Variants in SNTG1 observed in about 807,000 individuals in gnomAD.
The protein encoded by SNTG1 is syntrophin gamma 1, also known as gamma-1-syntrophin.
SNTG1 carries 39 observed loss-of-function variants against 74.7 expected under a neutral mutation model. The observed-to-expected ratio is 0.52, with a 90% CI of 0.40 to 0.68. The LOEUF (loss-of-function observed/expected upper bound fraction) is 0.68, where lower values mean the gene tolerates loss of function less well. SNTG1 is among the 30% of genes least tolerant of loss of function. The pLI is 0.00. For missense variants in SNTG1, 685 were observed against 609.5 expected, an observed-to-expected ratio of 1.12 and a Z score of -1.30; for synonymous variants, 254 against 217.1, an observed-to-expected ratio of 1.17 and a Z score of -1.49.
chr8:50,442,335 A>G (rs1007396524), intron 5 of SNTG1, among the ~76,000 whole-genome samples: 2 of 152,056 alleles, frequency 1.3e-5, no homozygotes, highest in Non-Finnish European at 2.9e-5. Flanking sequence ...CATGACACAC[A>G]TTTGCACCGG....
chr8:50,450,730 G>C lies in SNTG1; in HGVS notation c.363+1G>C. On this transcript the variant is annotated splice_donor_variant, in intron 8 of 18. Coordinates refer to ENST00000642720, the MANE Select transcript of SNTG1 (RefSeq NM_018967.5). LOFTEE classifies it high-confidence loss of function. ...GAGAAAATGTAGACATGAAGAAGTG[G>C]TGAGTTTACTTTTTCCTAATGTCAT... is the stretch of plus-strand genomic sequence containing the variant. 1 of 1,612,528 alleles carries C rather than the reference G, an allele frequency of 6.2e-7. No individual in the cohort carries two copies.
At chr8:50,081,280 C>CCAA (rs200201224) in intron 1 of SNTG1, among the ~76,000 whole-genome samples, 5 of 33,972 alleles carry the variant, frequency 1.5e-4, no homozygotes, top group Non-Finnish European at 2.3e-4. Flanking sequence ...TCTGTTATTT[C>CCAA]TAATAAGTCA....
At chr8:50,510,230 T>C (rs2094055742) in intron 9 of SNTG1, among the ~76,000 whole-genome samples, 1 of 152,228 alleles carries the variant, frequency 6.6e-6, no homozygotes, top group African/African-American at 2.4e-5. Flanking sequence ...TTGATTTGCA[T>C]ATGTTGAGCC....
At chr8:50,698,650 A>G (rs2095413137) in intron 15 of SNTG1, among the ~76,000 whole-genome samples, 1 of 152,104 alleles carries the variant, frequency 6.6e-6, no homozygotes, top group African/African-American at 2.4e-5. Context: ...CACTGCTGCT[A>G]GTTTTCAGGA....
intron 17 of SNTG1, among the ~76,000 whole-genome samples, chr8:50,712,294 T>C (rs986358878): frequency 6.6e-6 from 1 of 151,936 alleles, no homozygotes; most frequent in African/African-American, 2.4e-5. Context: ...AAGAGCCAGA[T>C]TTGAAAAAAG....
chr8:50,484,131 T>TCTTC (rs1192644650), intron 8 of SNTG1, among the ~76,000 whole-genome samples: 1 of 115,316 alleles, frequency 8.7e-6, no homozygotes, highest in Non-Finnish European at 1.8e-5. Context: ...TTTCTTTCTT[T>TCTTC]CTTTCCTTCT....
At chr8:49,980,696 T>A (rs1240738818) in intron 1 of SNTG1, among the ~76,000 whole-genome samples, 1 of 151,896 alleles carries the variant, frequency 6.6e-6, no homozygotes, top group Non-Finnish European at 1.5e-5. Flanking sequence ...TATAATTGAG[T>A]GTGGTAGAAA....
chr8:50,404,152 A>T (rs184709464), intron 4 of SNTG1, among the ~76,000 whole-genome samples: 3 of 152,272 alleles, frequency 2.0e-5, no homozygotes, highest in Admixed American at 6.5e-5. Context: ...AAGCAACTAG[A>T]AATGAAATGA....
At chr8:50,370,001 T>G (rs544610064) in intron 2 of SNTG1, among the ~76,000 whole-genome samples, 5 of 152,290 alleles carry the variant, frequency 3.3e-5, no homozygotes, top group East Asian at 1.9e-4. Flanking sequence ...CATAGAGATA[T>G]GCAGAATATC....
chr8:50,641,878 T>G (rs1220022310), intron 13 of SNTG1, among the ~76,000 whole-genome samples: 1 of 152,194 alleles, frequency 6.6e-6, no homozygotes, highest in Non-Finnish European at 1.5e-5. Flanking sequence ...GTCTCCTATC[T>G]TTGTACACAT....
chr8:50,762,855 G>A (rs1417941986), intron 18 of SNTG1: 8 of 365,336 alleles, frequency 2.2e-5, no homozygotes, highest in East Asian at 8.2e-5. Context: ...GAAGCCAGAC[G>A]TCACACTCTA....
At chr8:50,001,787 G>C (rs1249344911) in intron 1 of SNTG1, among the ~76,000 whole-genome samples, 2 of 152,144 alleles carry the variant, frequency 1.3e-5, no homozygotes, top group African/African-American at 4.8e-5. Flanking sequence ...GCTTGTTCAA[G>C]GTTAAACAGC....
At chr8:50,243,470 TA>T (rs1312510065) in intron 2 of SNTG1, among the ~76,000 whole-genome samples, 1 of 152,172 alleles carries the variant, frequency 6.6e-6, no homozygotes, top group Non-Finnish European at 1.5e-5. Flanking sequence ...ATCTTAGAAA[TA>T]AAAACTCTCC....
intron 12 of SNTG1, among the ~76,000 whole-genome samples, chr8:50,588,204 A>G (rs2094666694): frequency 6.6e-6 from 1 of 152,218 alleles, no homozygotes; most frequent in African/African-American, 2.4e-5. Context: ...TAGTATAAGT[A>G]CTAACAATAT....
At chr8:49,951,873 C>CAAAAAAAAAAAAAAAAAAAAAA (rs5891338) in intron 1 of SNTG1, among the ~76,000 whole-genome samples, 12 of 56,272 alleles carry the variant, frequency 2.1e-4, no homozygotes, top group Non-Finnish European at 3.7e-4. Context: ...GGAAAATTCA[C>CAAAAAAAAAAAAAAAAAAAAAA]AAAAAAAAAA....
chr8:50,416,771 G>A (rs555350826), intron 4 of SNTG1, among the ~76,000 whole-genome samples: 1 of 152,168 alleles, frequency 6.6e-6, no homozygotes, highest in Non-Finnish European at 1.5e-5. Context: ...TGACATCCAT[G>A]TGATTTAATG....
intron 2 of SNTG1, among the ~76,000 whole-genome samples, chr8:50,350,364 G>C (rs1460311033): frequency 6.6e-6 from 1 of 152,194 alleles, no homozygotes; most frequent in Non-Finnish European, 1.5e-5. Context: ...GATCCACTGG[G>C]TGAAGCCAGC....
At chr8:50,690,960 A>G (rs188813162) in intron 15 of SNTG1, among the ~76,000 whole-genome samples, 1 of 152,328 alleles carries the variant, frequency 6.6e-6, no homozygotes, top group African/African-American at 2.4e-5. Context: ...TATTTAGGAT[A>G]GTTAGCTCTT....
chr8:50,783,712 C>A (rs188793447), intron 18 of SNTG1, among the ~76,000 whole-genome samples: 1 of 152,190 alleles, frequency 6.6e-6, no homozygotes, highest in African/African-American at 2.4e-5. Flanking sequence ...CAGTGTCCTG[C>A]GCCCACTGTC....
Sources: allele counts gnomAD v4.1 joint callset (sites outside exome capture counted in the v4.1 genomes callset), GRCh38; gene constraint gnomAD v4.1.1; transcripts MANE v1.5; gene names NCBI Gene and HGNC (gene_info 2026-07-23, HGNC 2026-07-21).